The following STON2 variants were observed in gnomAD, a reference collection of about 807,000 sequenced individuals.
The protein encoded by STON2 is stonin-2.
Under a neutral mutation model 65.7 loss-of-function variants are expected in STON2, and 29 were observed. The ratio of observed to expected loss-of-function variants is 0.44; its 90% CI spans 0.33 to 0.60. STON2 has a LOEUF of 0.60. Ranked by LOEUF, STON2 falls within the 20% of genes least tolerant of loss-of-function variation. The probability of loss-of-function intolerance (pLI) is 0.03; values close to 1 mark genes in which losing one functional copy is unlikely to be tolerated. For synonymous variants in STON2, 404 were observed against 414.2 expected, an observed-to-expected ratio of 0.98 and a Z score of 0.30; for missense variants, 1,054 against 1,118.1, an observed-to-expected ratio of 0.94 and a Z score of 0.82.
intron 5 of STON2, among the ~76,000 whole-genome samples, chr14:81,299,203 T>C (rs1399559729): frequency 6.6e-6 from 1 of 152,230 alleles, no homozygotes; most frequent in Non-Finnish European, 1.5e-5. Context: ...ACCAGGAATA[T>C]TGCAGAAGTT....
intron 6 of STON2, among the ~76,000 whole-genome samples, 166 bp downstream of exon 6, chr14:81,276,735 C>T (rs1894834885): frequency 6.6e-6 from 1 of 152,200 alleles, no homozygotes; most frequent in South Asian, 2.1e-4. Context: ...TCACTATACG[C>T]ATTACTTACC....
intron 6 of STON2, among the ~76,000 whole-genome samples, chr14:81,276,397 CAA>C (rs151190046): frequency 0.4 from 61,016 of 152,002 alleles, 14,238 homozygotes; most frequent in Middle Eastern, 0.53. Flanking sequence ...GTCCCAGAGC[CAA>C]AGTCTGAATG....
In STON2 at chr14:81,266,328, C is replaced by T. The variant is rs999726750; in HGVS notation, c.*2086G>A. ...TCCTTATATTGAAGCAAACATTTGT[C>T]ACCTGTAAAGTTCCTCTTTGTTCTT... On this transcript the variant is annotated 3_prime_UTR_variant, in exon 8 of 8. Transcript: ENST00000614646. Among the ~76,000 whole-genome samples, 5 of 152,190 alleles carry T rather than the reference C, an allele frequency of 3.3e-5. No homozygotes were observed. Among genetic ancestry groups the T allele is most frequent in the Admixed American group, 2.0e-4 (3 of 15,286 alleles).
intron 1 of STON2, among the ~76,000 whole-genome samples, chr14:81,431,072 C>T (rs982006058): frequency 2.0e-5 from 3 of 152,084 alleles, no homozygotes; most frequent in African/African-American, 4.8e-5. Context: ...CACAGCTGCA[C>T]GAGGGGGAAA....
At chr14:81,386,930 A>G (rs926920894) in intron 3 of STON2, among the ~76,000 whole-genome samples, 1 of 152,192 alleles carries the variant, frequency 6.6e-6, no homozygotes, top group Non-Finnish European at 1.5e-5. Context: ...CAGTATAAAG[A>G]TTTTGGATGA....
Position 81,260,765 on chromosome 14 carries a change from C to CT in STON2, c.*7648dup, listed in dbSNP as rs1474616494. The CT allele has an allele frequency of 9.9e-5, 15 of 151,196 alleles. No individual in the cohort carries two copies. The highest frequency in any genetic ancestry group is 2.1e-4 in the South Asian group (1 of 4,786). The allele number at this position is 151,196 out of a possible 1,614,324, so 9.4% of individuals were successfully genotyped here. A position where few individuals can be genotyped will look rare whatever the true frequency, so the allele number is the denominator to read the frequency against. ...TCTACAGAGATAGCCAGTGTGTAGA[C>CT]TTTATTACATAGGCACATATTAAAA... On this transcript the variant is annotated 3_prime_UTR_variant, in exon 8 of 8. Coordinates refer to ENST00000614646, the MANE Select transcript of STON2 (RefSeq NM_001394390.1).
chr14:81,397,880 G>T (rs1349970968), intron 2 of STON2, among the ~76,000 whole-genome samples: 1 of 152,140 alleles, frequency 6.6e-6, no homozygotes, highest in Non-Finnish European at 1.5e-5. Flanking sequence ...GCATGGAGAG[G>T]TTAAATAAAT....
chr14:81,363,498 T>C (rs985906684), intron 4 of STON2, among the ~76,000 whole-genome samples: 3 of 126,474 alleles, frequency 2.4e-5, no homozygotes, highest in Non-Finnish European at 5.1e-5. Context: ...AACAAAGCAA[T>C]CATTAGAGTT....
At chr14:81,357,036 T>C (rs201507015) in intron 4 of STON2, among the ~76,000 whole-genome samples, 26,580 of 151,824 alleles carry the variant, frequency 0.18, 2,838 homozygotes, top group East Asian at 0.3. Flanking sequence ...CAACAAAAGC[T>C]AAAATTGACA....
intron 5 of STON2, chr14:81,323,357 G>C (rs1896888686): frequency 6.6e-6 from 1 of 152,138 alleles, no homozygotes; most frequent in Non-Finnish European, 1.5e-5. Flanking sequence ...TTCTCTCAAA[G>C]AATTCTCAAC....
At position 81,267,027 on chromosome 14, in the gene STON2, A is replaced by G. The variant is rs1894382719; in HGVS notation, c.*1387T>C. The G allele has an allele frequency of 1.0e-6, 1 of 985,442 alleles. No individual in the cohort carries two copies. Among genetic ancestry groups the G allele is most frequent in the Non-Finnish European group, 1.2e-6 (1 of 829,892 alleles). The allele number at this position is 985,442 out of a possible 1,614,324, so 61.0% of individuals were successfully genotyped here. A position where few individuals can be genotyped will look rare whatever the true frequency, so the allele number is the denominator to read the frequency against. ...AGACTCCAATGATTGTTCATTGAAT[A>G]CATTAATCTTGAATCCATCAGCCAA... On this transcript the variant is annotated 3_prime_UTR_variant, in exon 8 of 8. Coordinates refer to ENST00000614646, the MANE Select transcript of STON2 (RefSeq NM_001394390.1).
intron 5 of STON2, among the ~76,000 whole-genome samples, chr14:81,301,513 A>G (rs749645236): frequency 1.3e-4 from 20 of 152,210 alleles, no homozygotes; most frequent in Non-Finnish European, 2.8e-4. Flanking sequence ...GTGAACCCAA[A>G]AGAGGAAATG....
At chr14:81,421,486 C>A (rs575806116) in intron 2 of STON2, among the ~76,000 whole-genome samples, 4 of 152,044 alleles carry the variant, frequency 2.6e-5, no homozygotes, top group Non-Finnish European at 5.9e-5. Flanking sequence ...GAGAGATCAA[C>A]CAGAGAGTGA....
intron 2 of STON2, among the ~76,000 whole-genome samples, chr14:81,421,801 A>G (rs1015464052): frequency 6.6e-6 from 1 of 152,224 alleles, no homozygotes; most frequent in Admixed American, 6.5e-5. Context: ...GGACAACCAC[A>G]TTGAGATGTT....
upstream of STON2, among the ~76,000 whole-genome samples, chr14:81,401,861 C>T (rs949670736): frequency 1.9e-4 from 29 of 152,004 alleles, no homozygotes; most frequent in Non-Finnish European, 7.4e-5. Context: ...ACAGTTTAGC[C>T]GTAGGGAGAT....
rs189148525 is a variant in STON2, at chr14:81,281,877, A to G, written c.743-3138T>C. Among the ~76,000 whole-genome samples, 49 of 152,322 alleles carry G rather than the reference A, an allele frequency of 3.2e-4. No individual in the cohort carries two copies. In the East Asian group the frequency reaches 8.9e-3, roughly 28 times the overall value. On this transcript the variant is annotated intron_variant, in intron 5 of 7. Coordinates refer to ENST00000614646, the MANE Select transcript of STON2 (RefSeq NM_001394390.1). ...CTAGGGATTCTATTTTCTTTCTGAC[A>G]GTCATTAAAAAATATCAAAAGACTT...
At chr14:81,291,498 G>A (rs1359465713) in intron 5 of STON2, among the ~76,000 whole-genome samples, 1 of 152,126 alleles carries the variant, frequency 6.6e-6, no homozygotes, top group Non-Finnish European at 1.5e-5. Flanking sequence ...AAGTGGAACA[G>A]TAGACTTAAG....
intron 4 of STON2, among the ~76,000 whole-genome samples, chr14:81,341,454 TTTG>T (rs1309072652): frequency 0.014 from 1,763 of 124,446 alleles, 49 homozygotes; most frequent in African/African-American, 0.066. Flanking sequence ...GTGTTTTTTT[TTTG>T]TTTTTTTTTT....
exon 1 of STON2, chr14:81,436,392 C>G (rs1213975111): frequency 2.0e-5 from 3 of 151,626 alleles, no homozygotes; most frequent in African/African-American, 4.8e-5. Context: ...TCTCTGGCCG[C>G]GGGATACCCA....
Sources: gnomAD v4.1 joint callset for allele counts (sites outside exome capture counted in the v4.1 genomes callset) on GRCh38, gnomAD v4.1.1 for gene constraint, MANE v1.5 for transcripts, NCBI Gene and HGNC (gene_info 2026-07-23, HGNC 2026-07-21) for gene names.